Variants in SLC9A9 observed in about 807,000 individuals in gnomAD.
The protein encoded by SLC9A9 is sodium/hydrogen exchanger 9.
In SLC9A9, 62 loss-of-function variants were observed where a neutral mutation model predicts 77.8. The observed-to-expected ratio is 0.80, with a 90% CI of 0.65 to 0.98. The LOEUF is 0.98. Ranked by LOEUF, SLC9A9 falls within the 50% of genes least tolerant of loss-of-function variation. The pLI is 0.00. For synonymous variants in SLC9A9, 320 were observed against 283.5 expected, an observed-to-expected ratio of 1.13 and a Z score of -1.29; for missense variants, 775 against 774.9, an observed-to-expected ratio of 1.00 and a Z score of 0.00.
rs796760691 is a variant in SLC9A9, at chr3:143,361,957, C to T, written c.1604+1527G>A. On this transcript the variant is annotated intron_variant, in intron 14 of 15. Coordinates refer to ENST00000316549, the MANE Select transcript of SLC9A9 (RefSeq NM_173653.4). ...TATCTCATTTCTGATTTACCGTGTT[C>T]TTTCTGTACATCTCATTGTGTTTAC... is the stretch of plus-strand genomic sequence containing the variant. Among the ~76,000 whole-genome samples, 3 of 152,216 alleles carry T rather than the reference C, an allele frequency of 2.0e-5. No individual in the cohort carries two copies. The South Asian group carries it at 6.2e-4, about 32-fold the overall frequency.
chr3:143,352,834 G>A (rs1576443448), intron 14 of SLC9A9, among the ~76,000 whole-genome samples: 1 of 152,290 alleles, frequency 6.6e-6, no homozygotes, highest in East Asian at 1.9e-4. Flanking sequence ...CTGGATCATG[G>A]ATTATTTTCA....
At chr3:143,673,471 A>T (rs2039190637) in intron 5 of SLC9A9, among the ~76,000 whole-genome samples, 1 of 151,764 alleles carries the variant, frequency 6.6e-6, no homozygotes, top group Admixed American at 6.6e-5. Flanking sequence ...ATTTAATTAG[A>T]GAAGGAGTGG....
intron 4 of SLC9A9, among the ~76,000 whole-genome samples, chr3:143,723,423 G>C (rs1451384188): frequency 6.6e-6 from 1 of 152,168 alleles, no homozygotes; most frequent in Non-Finnish European, 1.5e-5. Flanking sequence ...TAAGAGGCCA[G>C]GATGGTGATG....
rs116893331 is a variant in SLC9A9 at position 143,548,635 on chromosome 3, G to A, written c.1089+3727C>T. Among the ~76,000 whole-genome samples, 111 of 152,240 alleles carry A rather than the reference G, an allele frequency of 7.3e-4. 1 individual carries two copies. In the East Asian group the frequency reaches 0.013, roughly 17 times the overall value. On this transcript the variant is annotated intron_variant, in intron 9 of 15. Coordinates refer to ENST00000316549, the MANE Select transcript of SLC9A9 (RefSeq NM_173653.4). The stretch of plus-strand genomic sequence containing the variant: ...TTCAAAATACAAATCCTTATGTTGC[G>A]TAACAGCATCATAGTGCCTCTGTCA...
chr3:143,307,325 G>A (rs968865804), intron 14 of SLC9A9, among the ~76,000 whole-genome samples: 23 of 152,308 alleles, frequency 1.5e-4, no homozygotes, highest in African/African-American at 5.5e-4. Context: ...AGAGCAGGAG[G>A]TATCTCTAAT....
chr3:143,424,702 G>C (rs2034371792), intron 12 of SLC9A9, among the ~76,000 whole-genome samples: 1 of 152,142 alleles, frequency 6.6e-6, no homozygotes, highest in Non-Finnish European at 1.5e-5. Context: ...ACAATAAAAA[G>C]TTATCTTCCC....
At chr3:143,611,249 G>C (rs2038017784) in intron 6 of SLC9A9, among the ~76,000 whole-genome samples, 1 of 152,140 alleles carries the variant, frequency 6.6e-6, no homozygotes, top group Non-Finnish European at 1.5e-5. Flanking sequence ...GTTTGAGTGA[G>C]TGATATAAAG....
At chr3:143,768,210 G>C (rs193046177) in intron 4 of SLC9A9, among the ~76,000 whole-genome samples, 176 of 152,160 alleles carry the variant, frequency 1.2e-3, no homozygotes, top group Non-Finnish European at 2.2e-3. Flanking sequence ...CTCAGCGAGG[G>C]GGAAAATCAG....
chr3:143,401,035 A>G (rs760952168), intron 12 of SLC9A9, among the ~76,000 whole-genome samples: 8 of 151,466 alleles, frequency 5.3e-5, no homozygotes, highest in Non-Finnish European at 1.0e-4. Flanking sequence ...CATCTACTCT[A>G]CCCCCTTTTC....
intron 14 of SLC9A9, among the ~76,000 whole-genome samples, chr3:143,333,405 T>C (rs2031832963): frequency 6.6e-6 from 1 of 152,236 alleles, no homozygotes; most frequent in South Asian, 2.1e-4. Context: ...AAACTAGTAC[T>C]AGCAATAGTA....
intron 1 of SLC9A9, among the ~76,000 whole-genome samples, chr3:143,844,230 A>G (rs1287469879): frequency 6.6e-6 from 1 of 152,168 alleles, no homozygotes; most frequent in East Asian, 1.9e-4. Flanking sequence ...CAAGAAATAT[A>G]AAAGAACATT....
chr3:143,300,409 A>G (rs780429485), intron 14 of SLC9A9, among the ~76,000 whole-genome samples: 2 of 152,240 alleles, frequency 1.3e-5, no homozygotes, highest in African/African-American at 4.8e-5. Context: ...AGAAGCAGAT[A>G]AACCTCTTCA....
At chr3:143,423,410 A>G (rs2034345788) in intron 12 of SLC9A9, among the ~76,000 whole-genome samples, 3 of 152,056 alleles carry the variant, frequency 2.0e-5, no homozygotes, top group Admixed American at 1.3e-4. Context: ...CCTCAACAAA[A>G]TGGTTGATTC....
intron 11 of SLC9A9, among the ~76,000 whole-genome samples, chr3:143,489,638 T>C (rs1283548103): frequency 6.6e-6 from 1 of 151,958 alleles, no homozygotes; most frequent in African/African-American, 2.4e-5. Context: ...GCTAGGACTC[T>C]AAAAGCACAG....
At chr3:143,442,423 A>G (rs1310006770) in intron 12 of SLC9A9, among the ~76,000 whole-genome samples, 1 of 152,232 alleles carries the variant, frequency 6.6e-6, no homozygotes, top group Non-Finnish European at 1.5e-5. Flanking sequence ...TGTAAATTCT[A>G]ACTTTAAACT....
At chr3:143,734,162 A>T (rs1224801493) in intron 4 of SLC9A9, among the ~76,000 whole-genome samples, 1 of 151,948 alleles carries the variant, frequency 6.6e-6, no homozygotes, top group African/African-American at 2.4e-5. Flanking sequence ...GCACCACTGC[A>T]CTCCAGCCTG....
At chr3:143,363,334 G>A in intron 14 of SLC9A9, 150 bp downstream of exon 14, 1 of 735,114 alleles carries the variant, frequency 1.4e-6, no homozygotes, top group Non-Finnish European at 2.3e-6. Flanking sequence ...TTTATTTTAT[G>A]AAATCATTCC....
chr3:143,470,779 A>G (rs924927582), intron 11 of SLC9A9, among the ~76,000 whole-genome samples: 2 of 152,228 alleles, frequency 1.3e-5, no homozygotes, highest in African/African-American at 4.8e-5. Flanking sequence ...AGCAATCATT[A>G]ATCTTACTAA....
intron 12 of SLC9A9, among the ~76,000 whole-genome samples, chr3:143,411,821 CT>C (rs1282456477): frequency 1.3e-5 from 2 of 152,032 alleles, no homozygotes; most frequent in Non-Finnish European, 2.9e-5. Context: ...TGTGTGCTCC[CT>C]CAATACCTGT....
Sources: gnomAD v4.1 joint callset for allele counts (sites outside exome capture counted in the v4.1 genomes callset) on GRCh38, gnomAD v4.1.1 for gene constraint, MANE v1.5 for transcripts, NCBI Gene and HGNC (gene_info 2026-07-23, HGNC 2026-07-21) for gene names.